PTPRM: variants seen among roughly 807,000 people sequenced by gnomAD.
PTPRM encodes receptor-type tyrosine-protein phosphatase mu.
In PTPRM, 47 loss-of-function variants were observed where a neutral mutation model predicts 186.7. The observed-to-expected ratio is 0.25, with a 90% CI of 0.20 to 0.32. The LOEUF (loss-of-function observed/expected upper bound fraction) is 0.32. Among genes scored for constraint, PTPRM ranks in the 10% least tolerant of loss-of-function variants. The pLI is 1.00. For synonymous variants in PTPRM, 668 were observed against 674.9 expected (o/e 0.99, Z 0.16); for missense variants, 1,494 against 1,865.0 (o/e 0.80, Z 3.66).
At chr18:8,404,830 C>G (rs905492170) in intron 32 of PTPRM, 1 of 152,266 alleles carries the variant, frequency 6.6e-6, no homozygotes, top group Non-Finnish European at 1.5e-5. Context: ...TCCTCAAGCC[C>G]TGCGTCCCTC....
At chr18:8,336,030 T>A (rs200297421) in intron 22 of PTPRM, among the ~76,000 whole-genome samples, 81 of 28,922 alleles carry the variant, frequency 2.8e-3, no homozygotes, top group Middle Eastern at 0.11. Context: ...TCATAAAAAA[T>A]AAATAAATAA....
At chr18:8,042,218 G>A (rs899991962) in intron 7 of PTPRM, among the ~76,000 whole-genome samples, 1 of 152,032 alleles carries the variant, frequency 6.6e-6, no homozygotes. Context: ...TTTAAATGAG[G>A]CATTCTCTAA....
intron 4 of PTPRM, among the ~76,000 whole-genome samples, chr18:7,917,628 G>A (rs191622667): frequency 7.2e-5 from 11 of 152,274 alleles, no homozygotes; most frequent in Non-Finnish European, 4.4e-5. Flanking sequence ...TTGTAAAAAT[G>A]GAAGCAGTGT....
At chr18:8,019,312 A>G (rs2085066391) in intron 7 of PTPRM, among the ~76,000 whole-genome samples, 2 of 152,230 alleles carry the variant, frequency 1.3e-5, no homozygotes, top group Non-Finnish European at 2.9e-5. Flanking sequence ...ACTTGGACTC[A>G]TAAGAATTAA....
At chr18:7,818,887 T>C (rs1568174688) in intron 2 of PTPRM, among the ~76,000 whole-genome samples, 1 of 152,152 alleles carries the variant, frequency 6.6e-6, no homozygotes, top group Non-Finnish European at 1.5e-5. Flanking sequence ...ATACATACAA[T>C]GTGTCGTGAG....
intron 7 of PTPRM, among the ~76,000 whole-genome samples, chr18:7,956,371 G>C (rs1192769998): frequency 6.6e-6 from 1 of 152,134 alleles, no homozygotes; most frequent in Non-Finnish European, 1.5e-5. Context: ...ATTGTAGCTG[G>C]TTTTTAAATT....
At chr18:8,068,371 C>A (rs1417599946) in intron 7 of PTPRM, among the ~76,000 whole-genome samples, 1 of 152,050 alleles carries the variant, frequency 6.6e-6, no homozygotes, top group East Asian at 1.9e-4. Context: ...TTCCTAAAAC[C>A]CTGAATGCTG....
intron 7 of PTPRM, chr18:8,049,572 C>T (rs1406409064): frequency 2.0e-5 from 3 of 151,876 alleles, no homozygotes; most frequent in Non-Finnish European, 4.4e-5. Flanking sequence ...AGGCATTTTC[C>T]AGGATAAAGA....
At chr18:7,974,912 C>G (rs556190910) in intron 7 of PTPRM, among the ~76,000 whole-genome samples, 15 of 152,172 alleles carry the variant, frequency 9.9e-5, no homozygotes, top group Non-Finnish European at 2.1e-4. Context: ...ATCAGAATCA[C>G]CTGGAGGACT....
chr18:8,357,711 G>A (rs913640798), intron 23 of PTPRM, among the ~76,000 whole-genome samples: 1 of 152,160 alleles, frequency 6.6e-6, no homozygotes, highest in Non-Finnish European at 1.5e-5. Flanking sequence ...GAGAATCATC[G>A]TTTCACATCC....
chr18:8,406,721 C>T lies in PTPRM; in HGVS notation c.*559C>T, dbSNP rs1202595884. The T allele has an allele frequency of 6.6e-6, 1 of 152,354 alleles. No homozygotes were observed. The highest frequency in any genetic ancestry group is 1.5e-5 in the Non-Finnish European group (1 of 68,128). 9.4% of individuals were successfully genotyped at this position (152,354 alleles called of 1,614,324 possible). ...ATTTGTATTGTTTCCAAGGGAAAAG[C>T]TTGGGGGAGGACTCAGTTCACAAAA... On this transcript the variant is annotated 3_prime_UTR_variant, in exon 33 of 33. Coordinates refer to ENST00000580170, the MANE Select transcript of PTPRM (RefSeq NM_001105244.2).
chr18:8,144,455 C>T (rs1555770048), intron 14 of PTPRM, among the ~76,000 whole-genome samples: 1 of 152,134 alleles, frequency 6.6e-6, no homozygotes, highest in Non-Finnish European at 1.5e-5. Context: ...AACCCTGTCT[C>T]TACAATAAAT....
intron 7 of PTPRM, among the ~76,000 whole-genome samples, chr18:8,028,335 T>G (rs2085708418): frequency 6.6e-6 from 1 of 152,214 alleles, no homozygotes; most frequent in Non-Finnish European, 1.5e-5. Flanking sequence ...CCAGTCTGAT[T>G]ATCCATCCTG....
At chr18:7,856,363 T>G (rs535823244) in intron 2 of PTPRM, among the ~76,000 whole-genome samples, 22 of 152,274 alleles carry the variant, frequency 1.4e-4, no homozygotes, top group Non-Finnish European at 2.6e-4. Flanking sequence ...TTAAAAAATG[T>G]TTTGAGTAAT....
chr18:7,876,261 A>G (rs994542157), intron 2 of PTPRM, among the ~76,000 whole-genome samples: 19 of 152,288 alleles, frequency 1.2e-4, no homozygotes, highest in Admixed American at 1.2e-3. Flanking sequence ...TCACATGTCC[A>G]ATCAAGTACC....
At chr18:7,956,837 C>G in intron 7 of PTPRM, among the ~76,000 whole-genome samples, 1 of 152,188 alleles carries the variant, frequency 6.6e-6, no homozygotes, top group South Asian at 2.1e-4. Flanking sequence ...ATAATACTGC[C>G]TATATCATTT....
chr18:8,384,615 G>T lies in PTPRM; in HGVS notation c.3973G>T (p.Val1325Leu). 6.2e-7 allele frequency: 1 copy of T among 1,614,118 alleles called. No individual in the cohort carries two copies. Among genetic ancestry groups the T allele is most frequent in the Non-Finnish European group, 8.5e-7 (1 of 1,179,982 alleles). Residue 1325 changes from valine to leucine, a missense_variant, in exon 30 of 33, where the codon GTG (valine) becomes TTG (leucine). By Grantham distance (32) the Val-to-Leu change is conservative (BLOSUM62 1). Transcript: ENST00000580170. ...AGTACACAGACACGGCCCCATCCAG[G>T]TGGAATTTGTCTCTGCTGACCTGGA... Reference protein sequence around the residue: ...NGVHRHGPIQVEFVSADLEED... With the variant: ...NGVHRHGPIQLEFVSADLEED...
At chr18:8,091,871 A>G (rs2090751973) in intron 11 of PTPRM, among the ~76,000 whole-genome samples, 1 of 152,178 alleles carries the variant, frequency 6.6e-6, no homozygotes, top group African/African-American at 2.4e-5. Context: ...ACATCTGGAA[A>G]TCTGCAAAAT....
chr18:8,050,727 T>C (rs529882824), intron 7 of PTPRM, among the ~76,000 whole-genome samples: 187 of 152,292 alleles, frequency 1.2e-3, no homozygotes, highest in African/African-American at 4.2e-3. Flanking sequence ...GTGGCAGTTT[T>C]CCAACAGATG....
Sources: gnomAD v4.1 joint callset for allele counts (sites outside exome capture counted in the v4.1 genomes callset) on GRCh38, gnomAD v4.1.1 for gene constraint, MANE v1.5 for transcripts, NCBI Gene and HGNC (gene_info 2026-07-23, HGNC 2026-07-21) for gene names.